Variants in SPMIP4 observed in about 807,000 individuals in gnomAD.
SPMIP4 encodes sperm microtubule inner protein 4.
chr7:25,135,351 T>C, the SPMIP4 span: 1 of 985,472 alleles, frequency 1.0e-6, no homozygotes. Flanking sequence ...CAATTTGTAA[T>C]GTGTACATGC....
chr7:25,136,548 G>A, the SPMIP4 span: 1 of 1,614,132 alleles, frequency 6.2e-7, no homozygotes, highest in South Asian at 1.1e-5. The surrounding 1 kb of genome is among the most constrained non-coding windows in gnomAD (Gnocchi z 5.7). Context: ...GTTCTTCTAT[G>A]ATCTTCTCTT....
chr7:25,135,064 T>C, the SPMIP4 span: 1 of 509,940 alleles, frequency 2.0e-6, no homozygotes, highest in Non-Finnish European at 2.5e-6. Context: ...GAAATTCCTC[T>C]TGAACTTCCA....
At chr7:25,158,832 G>A in the SPMIP4 span, among the ~76,000 whole-genome samples, 1 of 150,806 alleles carries the variant, frequency 6.6e-6, no homozygotes, top group African/African-American at 2.5e-5. Flanking sequence ...AGGTTGCTGG[G>A]TGACAGAGCA....
At chr7:25,131,598 C>T in the SPMIP4 span, among the ~76,000 whole-genome samples, 2 of 152,206 alleles carry the variant, frequency 1.3e-5, no homozygotes, top group Non-Finnish European at 2.9e-5. The surrounding 1 kb of genome is among the most constrained non-coding windows in gnomAD (Gnocchi z 4.2). Flanking sequence ...TCCCAGAGCT[C>T]CCAAGATGGT....
chr7:25,141,521 G>A, the SPMIP4 span, among the ~76,000 whole-genome samples: 13 of 141,394 alleles, frequency 9.2e-5, no homozygotes, highest in South Asian at 2.4e-4. Flanking sequence ...GCAGTGAGCT[G>A]AGATCGTGCC....
chr7:25,175,567 G>A, the SPMIP4 span, among the ~76,000 whole-genome samples: 122 of 152,304 alleles, frequency 8.0e-4, no homozygotes, highest in African/African-American at 2.8e-3. Context: ...CATGATCTAA[G>A]TTGTACCTGG....
the SPMIP4 span, among the ~76,000 whole-genome samples, chr7:25,161,856 C>A: frequency 6.6e-6 from 1 of 151,344 alleles, no homozygotes; most frequent in Non-Finnish European, 1.5e-5. Context: ...TGGGGAAAAA[C>A]CTGTACAAAA....
At chr7:25,136,626 A>G in the SPMIP4 span, 1 of 1,614,168 alleles carries the variant, frequency 6.2e-7, no homozygotes, top group East Asian at 2.2e-5. The surrounding 1 kb of genome is among the most constrained non-coding windows in gnomAD (Gnocchi z 5.7). Context: ...TTTCTTTAGA[A>G]CTGGGTACAA....
At chr7:25,170,569 T>C in the SPMIP4 span, among the ~76,000 whole-genome samples, 1 of 152,238 alleles carries the variant, frequency 6.6e-6, no homozygotes, top group African/African-American at 2.4e-5. Context: ...CTTTTATTGC[T>C]TGTGCTTTTG....
chr7:25,168,210 GCAAA>G, the SPMIP4 span: 3 of 1,246,006 alleles, frequency 2.4e-6, no homozygotes, highest in South Asian at 1.4e-5. Context: ...ACAGATTTAA[GCAAA>G]CAAAGGACTC....
the SPMIP4 span, among the ~76,000 whole-genome samples, chr7:25,138,848 T>G: frequency 1.3e-5 from 2 of 152,236 alleles, no homozygotes; most frequent in African/African-American, 4.8e-5. The surrounding 1 kb of genome is among the most constrained non-coding windows in gnomAD (Gnocchi z 6.2). Context: ...GGCTGGAGAT[T>G]TGCTATGCTT....
the SPMIP4 span, among the ~76,000 whole-genome samples, chr7:25,165,189 G>A: frequency 1.3e-5 from 2 of 152,138 alleles, no homozygotes; most frequent in Non-Finnish European, 2.9e-5. Flanking sequence ...GACTACAGTC[G>A]CTTCTCCTAT....
the SPMIP4 span, among the ~76,000 whole-genome samples, chr7:25,175,601 G>T: frequency 6.6e-6 from 1 of 152,210 alleles, no homozygotes; most frequent in Admixed American, 6.5e-5. Context: ...TTGAAAAAGG[G>T]TGTCCCTTTA....
At chr7:25,148,671 C>T in the SPMIP4 span, among the ~76,000 whole-genome samples, 1 of 151,984 alleles carries the variant, frequency 6.6e-6, no homozygotes, top group African/African-American at 2.4e-5. Context: ...GTCAGTGTTC[C>T]GCCATGTTGG....
the SPMIP4 span, among the ~76,000 whole-genome samples, chr7:25,170,517 A>G: frequency 2.6e-5 from 4 of 152,212 alleles, no homozygotes; most frequent in African/African-American, 7.2e-5. Flanking sequence ...TTGAAGCAAA[A>G]AAGTTTTTTA....
the SPMIP4 span, among the ~76,000 whole-genome samples, chr7:25,145,545 C>G: frequency 3.3e-5 from 5 of 152,142 alleles, no homozygotes; most frequent in African/African-American, 9.7e-5. Context: ...CAAAGGTATT[C>G]ATTGGCTCGA....
chr7:25,150,443 A>G, the SPMIP4 span, among the ~76,000 whole-genome samples: 1 of 152,318 alleles, frequency 6.6e-6, no homozygotes, highest in African/African-American at 2.4e-5. Flanking sequence ...TACTTTATAG[A>G]TGACTCTGTG....
At chr7:25,178,940 G>A in the SPMIP4 span, among the ~76,000 whole-genome samples, 1 of 152,058 alleles carries the variant, frequency 6.6e-6, no homozygotes, top group African/African-American at 2.4e-5. Flanking sequence ...ACTCTGGAGG[G>A]TGAGGCAGGA....
chr7:25,175,984 T>C, the SPMIP4 span, among the ~76,000 whole-genome samples: 1 of 152,202 alleles, frequency 6.6e-6, no homozygotes, highest in African/African-American at 2.4e-5. Flanking sequence ...AATCTGGTGA[T>C]TGTGAAAGGA....
Sources: allele counts gnomAD v4.1 joint callset (sites outside exome capture counted in the v4.1 genomes callset), GRCh38; gene constraint gnomAD v4.1.1; non-coding constraint Gnocchi (gnomAD v3.1); transcripts MANE v1.5; gene names NCBI Gene and HGNC (gene_info 2026-07-23, HGNC 2026-07-21).